Variants in RTCB observed in about 807,000 individuals in gnomAD.
The protein encoded by RTCB is RNA-splicing ligase RTCB.
Under a neutral mutation model 58.2 loss-of-function variants are expected in RTCB, and 32 were observed. The observed-to-expected ratio is 0.55, with a 90% CI of 0.41 to 0.74. The LOEUF (loss-of-function observed/expected upper bound fraction) is 0.74, where lower values mean the gene tolerates loss of function less well. RTCB is among the 30% of genes least tolerant of loss of function. RTCB has a pLI of 0.00. For missense variants in RTCB, 523 were observed against 639.0 expected, an observed-to-expected ratio of 0.82 and a Z score of 1.96; for synonymous variants, 247 against 218.6, an observed-to-expected ratio of 1.13 and a Z score of -1.15.
In RTCB at chr22:32,390,175, G is replaced by A. The variant is rs573268428; in HGVS notation, c.1410+2065C>T. On this transcript the variant is annotated intron_variant, in intron 11 of 11. Transcript: ENST00000216038. ...CTTTTTATTTCATAGAACTTGCATG[G>A]TCATTAACACACTGTATGTTTTATT... is the stretch of plus-strand genomic sequence containing the variant. 3.9e-5 allele frequency among the ~76,000 whole-genome samples: 6 copies of A among 152,130 alleles called. No individual in the cohort carries two copies. In the South Asian group the frequency reaches 1.2e-3, roughly 32 times the overall value.
intron 11 of RTCB, among the ~76,000 whole-genome samples, chr22:32,390,390 TA>T: frequency 6.6e-6 from 1 of 151,950 alleles, no homozygotes; most frequent in East Asian, 1.9e-4. Flanking sequence ...ATTTTAACTG[TA>T]ATTATTTCTG....
chr22:32,396,033 A>T, intron 8 of RTCB, 41 bp downstream of exon 8: 1 of 1,600,948 alleles, frequency 6.2e-7, no homozygotes, highest in Non-Finnish European at 8.5e-7. Flanking sequence ...ACTTAACATC[A>T]TCATGAATGA....
In RTCB at chr22:32,408,173, A is replaced by C; in HGVS notation, c.240+2T>G. 6.2e-7 allele frequency: 1 copy of C among 1,613,772 alleles called. No individual in the cohort carries two copies. Among genetic ancestry groups the C allele is most frequent in the Non-Finnish European group, 8.5e-7 (1 of 1,179,638 alleles). On this transcript the variant is annotated splice_donor_variant, in intron 3 of 11. Coordinates refer to ENST00000216038, the MANE Select transcript of RTCB (RefSeq NM_014306.5). LOFTEE classifies it high-confidence loss of function. Reference sequence around the variant, plus strand: ...TGATTAAAGTTCTGAACTCTGACTCACATGAACAATTCCAGGCAGGGCTGC... The same window carrying C: ...TGATTAAAGTTCTGAACTCTGACTCCCATGAACAATTCCAGGCAGGGCTGC...
chr22:32,409,844 G>T (rs181985672), intron 1 of RTCB, among the ~76,000 whole-genome samples: 1 of 148,312 alleles, frequency 6.7e-6, no homozygotes, highest in African/African-American at 2.5e-5. Flanking sequence ...TTGAGACTGA[G>T]TCTTGCTCTG....
chr22:32,396,760 C>A (rs1933252842), intron 7 of RTCB, among the ~76,000 whole-genome samples: 1 of 152,182 alleles, frequency 6.6e-6, no homozygotes, highest in South Asian at 2.1e-4. Context: ...AGAGGCTGAT[C>A]TGTAACATGG....
chr22:32,391,469 C>T (rs903681638), intron 11 of RTCB, among the ~76,000 whole-genome samples: 26 of 149,012 alleles, frequency 1.7e-4, no homozygotes, highest in African/African-American at 6.5e-4. Context: ...GATCTTGGCT[C>T]ACTGCAACCT....
chr22:32,388,336 T>G (rs1013666776), intron 11 of RTCB, among the ~76,000 whole-genome samples: 2 of 151,986 alleles, frequency 1.3e-5, no homozygotes, highest in Non-Finnish European at 2.9e-5. Flanking sequence ...TTAAAGAACA[T>G]GTATTACTTG....
chr22:32,408,409 G>A (rs1933464163), intron 2 of RTCB, among the ~76,000 whole-genome samples, 167 bp from the exon 3 acceptor site: 3 of 152,194 alleles, frequency 2.0e-5, no homozygotes, highest in African/African-American at 7.2e-5. Flanking sequence ...GCTCCTTTTA[G>A]AGTCACTGTA....
intron 10 of RTCB, chr22:32,392,585 C>T (rs1034811398): frequency 1.9e-5 from 13 of 675,110 alleles, no homozygotes; most frequent in Non-Finnish European, 3.0e-5. Context: ...GCAGTGTATT[C>T]AGCAGCATCC....
intron 4 of RTCB, among the ~76,000 whole-genome samples, chr22:32,404,962 G>C (rs1327389277): frequency 6.6e-6 from 1 of 151,894 alleles, no homozygotes; most frequent in Non-Finnish European, 1.5e-5. Context: ...GCTAGGTCTA[G>C]TTTTTATTTA....
Position 32,393,781 on chromosome 22 carries a change from G to A in RTCB, c.1290+111C>T, listed in dbSNP as rs184101941. 676 of 754,070 alleles carry A rather than the reference G, an allele frequency of 9.0e-4. 2 individuals are homozygous for A. The African/African-American group carries it at 0.01, about 12-fold the overall frequency. The allele number at this position is 754,070 out of a possible 1,614,324, so 46.7% of individuals were successfully genotyped here. A position where few individuals can be genotyped will look rare whatever the true frequency, so the allele number is the denominator to read the frequency against. On this transcript the variant is annotated intron_variant, in intron 10 of 11. Transcript: ENST00000216038. The stretch of plus-strand genomic sequence containing the variant: ...ACAATTTGAAGTACAAGACATGATA[G>A]GCCCAAGTCTCAACTCTGTTAATGT...
At chr22:32,398,876 AAG>A (rs1451880658) in intron 6 of RTCB, among the ~76,000 whole-genome samples, 3 of 152,236 alleles carry the variant, frequency 2.0e-5, no homozygotes, top group Non-Finnish European at 4.4e-5. Flanking sequence ...TCAGTGCTGG[AAG>A]AGTCTTTAGA....
chr22:32,409,136 T>C (rs902698936), intron 1 of RTCB, among the ~76,000 whole-genome samples: 1 of 151,920 alleles, frequency 6.6e-6, no homozygotes, highest in Admixed American at 6.6e-5. Context: ...CTTCCAACTA[T>C]ACTCTCACAA....
chr22:32,395,988 C>A, intron 8 of RTCB, 86 bp downstream of exon 8: 1 of 1,376,330 alleles, frequency 7.3e-7, no homozygotes, highest in Non-Finnish European at 1.0e-6. Flanking sequence ...GCATGAGCCA[C>A]CGTGTCCAGC....
At position 32,401,758 on chromosome 22, in the gene RTCB, T is replaced by C; in HGVS notation, c.486A>G (p.Pro162=). 1.9e-6 allele frequency: 3 copies of C among 1,613,926 alleles called. No homozygotes were observed. The highest frequency in any genetic ancestry group is 2.5e-6 in the Non-Finnish European group (3 of 1,179,832). The part of the protein sequence containing the change: ...PVGVGSKGVI[P]MNAKDLEEAL... ...ACGTGTGCTCTTACTTGGCATTCAT[T>C]GGGATGACACCTTTTGACCCCACCC... Residue 162 remains proline (P), a synonymous_variant, in exon 5 of 12, where the codon CCA becomes CCG. Transcript: ENST00000216038.
chr22:32,406,850 T>G, intron 3 of RTCB, 89 bp from the exon 4 acceptor site: 1 of 862,556 alleles, frequency 1.2e-6, no homozygotes, highest in Non-Finnish European at 1.9e-6. Flanking sequence ...TCAAACAGGT[T>G]GCAGGCTGAA....
chr22:32,402,565 TCAG>T (rs201728414), intron 4 of RTCB, among the ~76,000 whole-genome samples: 1,684 of 149,616 alleles, frequency 0.011, 41 homozygotes, highest in East Asian at 0.072. Flanking sequence ...TTCTCCTGCC[TCAG>T]CCTCCCGAAT....
intron 1 of RTCB, 30 bp from the exon 2 acceptor site, chr22:32,408,863 C>CT: frequency 6.6e-7 from 1 of 1,509,442 alleles, no homozygotes; most frequent in East Asian, 2.3e-5. Context: ...AAAGCAATGT[C>CT]TGAGTACATG....
In RTCB at chr22:32,412,157, G is replaced by C. The variant is rs1315049994; in HGVS notation, c.-1C>G. The C allele has an allele frequency of 1.3e-6, 2 of 1,590,576 alleles. No homozygotes were observed. Among genetic ancestry groups the C allele is most frequent in the Admixed American group, 3.5e-5 (2 of 56,594 alleles). ...GCTCATCATTATAGCTGCGACTCAT[G>C]GTGGCGAAAACTGTAGCAAAAACTC... On this transcript the variant is annotated 5_prime_UTR_variant, in exon 1 of 12. Coordinates refer to ENST00000216038, the MANE Select transcript of RTCB (RefSeq NM_014306.5).
Sources: allele counts gnomAD v4.1 joint callset (sites outside exome capture counted in the v4.1 genomes callset), GRCh38; gene constraint gnomAD v4.1.1; transcripts MANE v1.5; gene names NCBI Gene and HGNC (gene_info 2026-07-23, HGNC 2026-07-21).